Variants in LHFPL3 observed in about 807,000 individuals in gnomAD.
The protein encoded by LHFPL3 is LHFPL tetraspan subfamily member 3.
LHFPL3 carries 5 observed loss-of-function variants against 19.3 expected under a neutral mutation model. The observed-to-expected ratio is 0.26, with a 90% CI of 0.14 to 0.54. The LOEUF (loss-of-function observed/expected upper bound fraction) is 0.54, where lower values mean the gene tolerates loss of function less well. Among genes scored for constraint, LHFPL3 ranks in the 20% least tolerant of loss-of-function variants. The pLI is 0.94. For missense variants in LHFPL3, 249 were observed against 307.4 expected, an observed-to-expected ratio of 0.81 and a Z score of 1.42; for synonymous variants, 133 against 126.2, an observed-to-expected ratio of 1.05 and a Z score of -0.36.
chr7:104,451,912 T>G (rs988164642), intron 1 of LHFPL3, among the ~76,000 whole-genome samples: 1 of 151,904 alleles, frequency 6.6e-6, no homozygotes, highest in African/African-American at 2.4e-5. Context: ...GCCTGGCTAA[T>G]TTTTTGTATT....
At chr7:104,850,770 G>A (rs1388056925) in intron 2 of LHFPL3, among the ~76,000 whole-genome samples, 1 of 152,108 alleles carries the variant, frequency 6.6e-6, no homozygotes, top group Non-Finnish European at 1.5e-5. Flanking sequence ...AGCCCTCTGG[G>A]TGATTCTGAG....
chr7:104,329,717 T>G (rs1584589422), intron 1 of LHFPL3, among the ~76,000 whole-genome samples: 1 of 152,130 alleles, frequency 6.6e-6, no homozygotes, highest in African/African-American at 2.4e-5. Flanking sequence ...CGGGGGGCGG[T>G]GGCTGGAGTG....
chr7:104,585,286 T>C (rs1288646940), intron 1 of LHFPL3, among the ~76,000 whole-genome samples: 1 of 152,082 alleles, frequency 6.6e-6, no homozygotes, highest in Non-Finnish European at 1.5e-5. Flanking sequence ...GAAAACCTCC[T>C]TATAACCAAC....
Position 104,850,732 on chromosome 7 carries a change from G to C in LHFPL3, c.683-55455G>C, listed in dbSNP as rs144479229. Among the ~76,000 whole-genome samples, 854 of 152,300 alleles carry C rather than the reference G, an allele frequency of 5.6e-3. 8 individuals are homozygous for C. The highest frequency in any genetic ancestry group is 0.02 in the African/African-American group (819 of 41,548). ...GACCTGCTAAATCAGAAACTGTGGA[G>C]GTGAGCCCCAGGAATCTGTATTCCA... is the stretch of plus-strand genomic sequence containing the variant. On this transcript the variant is annotated intron_variant, in intron 2 of 2. Transcript: ENST00000424859.
chr7:104,504,354 A>G (rs558727336), intron 1 of LHFPL3, among the ~76,000 whole-genome samples: 6 of 152,308 alleles, frequency 3.9e-5, no homozygotes, highest in Admixed American at 2.0e-4. Flanking sequence ...AGGATTTTCT[A>G]TTTTATGGAT....
chr7:104,696,594 T>C (rs998144429), intron 1 of LHFPL3, among the ~76,000 whole-genome samples: 1 of 152,080 alleles, frequency 6.6e-6, no homozygotes, highest in African/African-American at 2.4e-5. Flanking sequence ...TAAGGGAAGA[T>C]GTAAGCAAGT....
intron 2 of LHFPL3, among the ~76,000 whole-genome samples, chr7:104,755,799 G>A (rs1794274220): frequency 1.3e-5 from 2 of 152,144 alleles, no homozygotes; most frequent in Non-Finnish European, 1.5e-5. Flanking sequence ...GGGTTCAAGC[G>A]ATTATCCTGC....
At chr7:104,781,362 T>G (rs953499633) in intron 2 of LHFPL3, among the ~76,000 whole-genome samples, 1 of 152,094 alleles carries the variant, frequency 6.6e-6, no homozygotes, top group African/African-American at 2.4e-5. Context: ...TATCTTCCTC[T>G]ATCTCATCAT....
intron 2 of LHFPL3, among the ~76,000 whole-genome samples, chr7:104,896,977 T>C (rs774533426): frequency 6.6e-6 from 1 of 151,986 alleles, no homozygotes; most frequent in South Asian, 2.1e-4. Flanking sequence ...TCCCAGCTAC[T>C]TGGGAGGCTG....
At chr7:104,343,453 C>T (rs59848485) in intron 1 of LHFPL3, among the ~76,000 whole-genome samples, 46,386 of 136,434 alleles carry the variant, frequency 0.34, 7,647 homozygotes, top group East Asian at 0.47. Flanking sequence ...GTGGAGGTTG[C>T]GGTGAGCCAA....
intron 1 of LHFPL3, among the ~76,000 whole-genome samples, chr7:104,628,585 G>A (rs1268586511): frequency 6.6e-6 from 1 of 152,128 alleles, no homozygotes; most frequent in African/African-American, 2.4e-5. Flanking sequence ...CTAAATTTGG[G>A]TGACAAATCT....
At chr7:104,667,156 T>G (rs1389974088) in intron 1 of LHFPL3, among the ~76,000 whole-genome samples, 4 of 151,394 alleles carry the variant, frequency 2.6e-5, no homozygotes, top group South Asian at 2.1e-4. Flanking sequence ...ACCAGCATGG[T>G]TTTTTTTTCT....
chr7:104,529,605 T>C (rs1209620540), intron 1 of LHFPL3, among the ~76,000 whole-genome samples: 1 of 152,174 alleles, frequency 6.6e-6, no homozygotes, highest in Non-Finnish European at 1.5e-5. Flanking sequence ...AGTCAGCTGG[T>C]TCCCATCTCC....
chr7:104,698,394 T>C (rs1793035942), intron 1 of LHFPL3, among the ~76,000 whole-genome samples: 1 of 152,234 alleles, frequency 6.6e-6, no homozygotes, highest in Non-Finnish European at 1.5e-5. Context: ...CTTAGATTTT[T>C]TTGGGTTTCA....
At chr7:104,864,287 A>G (rs1791674486) in intron 2 of LHFPL3, among the ~76,000 whole-genome samples, 1 of 152,140 alleles carries the variant, frequency 6.6e-6, no homozygotes, top group Non-Finnish European at 1.5e-5. Flanking sequence ...GGTGCAGTGC[A>G]CCGAGCATGA....
At chr7:104,527,618 A>C (rs1794215021) in intron 1 of LHFPL3, among the ~76,000 whole-genome samples, 1 of 152,118 alleles carries the variant, frequency 6.6e-6, no homozygotes, top group Admixed American at 6.5e-5. Flanking sequence ...TGGAAAGAAG[A>C]ATATCGGTAA....
intron 1 of LHFPL3, among the ~76,000 whole-genome samples, chr7:104,373,649 C>G (rs1442068281): frequency 6.7e-6 from 1 of 148,572 alleles, no homozygotes. Flanking sequence ...TTAAGAAATA[C>G]ATTGGTTTGG....
At chr7:104,529,907 G>A (rs1794263749) in intron 1 of LHFPL3, among the ~76,000 whole-genome samples, 1 of 152,136 alleles carries the variant, frequency 6.6e-6, no homozygotes, top group Non-Finnish European at 1.5e-5. Flanking sequence ...AATGAGTCAG[G>A]TTCTGAAGGC....
chr7:104,328,935 G>A lies in LHFPL3; in HGVS notation c.156G>A (p.Val52=). ...CCATCTGCTTTGCCATCGTCAACGT[G>A]GTGTGCTTCATCCAGCCCTACTGGA... ...IFTICFAIVN[V]VCFIQPYWIG... Residue 52 remains valine (V), a synonymous_variant, in exon 1 of 3, where the codon GTG becomes GTA. Coordinates refer to ENST00000424859, the MANE Select transcript of LHFPL3 (RefSeq NM_199000.3). The surrounding 1 kb of genome is among the most constrained non-coding windows in gnomAD (Gnocchi z 4.6). 6.2e-7 allele frequency: 1 copy of A among 1,614,192 alleles called. No homozygotes were observed. The highest frequency in any genetic ancestry group is 8.5e-7 in the Non-Finnish European group (1 of 1,180,036).
Sources: gnomAD v4.1 joint callset for allele counts (sites outside exome capture counted in the v4.1 genomes callset) on GRCh38, gnomAD v4.1.1 for gene constraint, Gnocchi (gnomAD v3.1) non-coding constraint, MANE v1.5 for transcripts, NCBI Gene and HGNC (gene_info 2026-07-23, HGNC 2026-07-21) for gene names.